Variants in LHFPL6 observed in about 807,000 individuals in gnomAD.
LHFPL6 encodes LHFPL tetraspan subfamily member 6 protein.
A neutral mutation model predicts 20.6 loss-of-function variants in LHFPL6; 9 were observed. That is an observed-to-expected ratio of 0.44 (90% CI 0.26 to 0.76). The LOEUF (loss-of-function observed/expected upper bound fraction) is 0.76. LHFPL6 is among the 30% of genes least tolerant of loss of function. The pLI is 0.20. For missense variants in LHFPL6, 218 were observed against 253.5 expected, an observed-to-expected ratio of 0.86 and a Z score of 0.95; for synonymous variants, 105 against 98.7, an observed-to-expected ratio of 1.06 and a Z score of -0.38.
At chr13:39,549,255 T>C (rs1248073157) in intron 2 of LHFPL6, among the ~76,000 whole-genome samples, 2 of 152,242 alleles carry the variant, frequency 1.3e-5, no homozygotes, top group Non-Finnish European at 2.9e-5. Context: ...GAAAGGACAG[T>C]TTTTACAACA....
At chr13:39,473,389 T>C (rs1872999763) in intron 2 of LHFPL6, among the ~76,000 whole-genome samples, 1 of 150,718 alleles carries the variant, frequency 6.6e-6, no homozygotes, top group Non-Finnish European at 1.5e-5. Context: ...ACTAGTCCAA[T>C]ATGCCATGCT....
At chr13:39,561,817 T>G (rs954032439) in intron 2 of LHFPL6, among the ~76,000 whole-genome samples, 1 of 152,196 alleles carries the variant, frequency 6.6e-6, no homozygotes, top group African/African-American at 2.4e-5. Flanking sequence ...GAGTGACTAC[T>G]CTGTAAATGT....
rs546363922 is a variant in LHFPL6, at chr13:39,562,067, T to C, written c.385+38765A>G. Reference sequence around the variant, plus strand: ...CATGAGTTATAAATAAGAACAAATATTTATGCAATAACTCCTACAATATGC... The same window carrying C: ...CATGAGTTATAAATAAGAACAAATACTTATGCAATAACTCCTACAATATGC... On this transcript the variant is annotated intron_variant, in intron 2 of 3. Coordinates refer to ENST00000379589, the MANE Select transcript of LHFPL6 (RefSeq NM_005780.3). Among the ~76,000 whole-genome samples, 217 of 152,316 alleles carry C rather than the reference T, an allele frequency of 1.4e-3. 2 individuals carry two copies. Among genetic ancestry groups the C allele is most frequent in the Non-Finnish European group, 2.4e-3 (162 of 68,036 alleles).
chr13:39,417,165 C>G (rs1871370130), intron 2 of LHFPL6, among the ~76,000 whole-genome samples: 1 of 152,140 alleles, frequency 6.6e-6, no homozygotes, highest in Non-Finnish European at 1.5e-5. Flanking sequence ...ATCATCCTGC[C>G]TTATTCATAT....
At chr13:39,431,325 C>CA (rs1871793818) in intron 2 of LHFPL6, among the ~76,000 whole-genome samples, 2 of 152,154 alleles carry the variant, frequency 1.3e-5, no homozygotes, top group African/African-American at 4.8e-5. Context: ...CACATCTGAA[C>CA]ATCTGAAGGA....
At chr13:39,426,325 A>G (rs1284090888) in intron 2 of LHFPL6, among the ~76,000 whole-genome samples, 1 of 151,126 alleles carries the variant, frequency 6.6e-6, no homozygotes, top group Non-Finnish European at 1.5e-5. Flanking sequence ...GGTTCAAGCG[A>G]TTCTCCTGCC....
chr13:39,524,102 A>C (rs1157317894), intron 2 of LHFPL6, among the ~76,000 whole-genome samples: 1 of 152,216 alleles, frequency 6.6e-6, no homozygotes, highest in Non-Finnish European at 1.5e-5. Context: ...GATGATAAAG[A>C]TTATGAAATA....
intron 2 of LHFPL6, among the ~76,000 whole-genome samples, chr13:39,492,834 C>T (rs1868972489): frequency 1.3e-5 from 2 of 151,968 alleles, no homozygotes; most frequent in South Asian, 2.1e-4. Context: ...GCATGCACCA[C>T]CACGTCCAGC....
chr13:39,558,565 T>C (rs888051174), intron 2 of LHFPL6, among the ~76,000 whole-genome samples: 2 of 152,214 alleles, frequency 1.3e-5, no homozygotes, highest in African/African-American at 4.8e-5. Context: ...ACTTACTTCC[T>C]CTGCTTACCA....
chr13:39,358,174 C>T (rs1237417437), intron 3 of LHFPL6, among the ~76,000 whole-genome samples: 1 of 152,158 alleles, frequency 6.6e-6, no homozygotes, highest in Non-Finnish European at 1.5e-5. Flanking sequence ...ACCAAAACAG[C>T]ATGGTACTGG....
chr13:39,526,487 A>G (rs888364297), intron 2 of LHFPL6, among the ~76,000 whole-genome samples: 1 of 152,040 alleles, frequency 6.6e-6, no homozygotes, highest in African/African-American at 2.4e-5. Context: ...TTGCAATTGC[A>G]ACCAATAACA....
intron 3 of LHFPL6, among the ~76,000 whole-genome samples, chr13:39,346,800 G>A (rs776120923): frequency 2.6e-5 from 4 of 152,128 alleles, no homozygotes; most frequent in Non-Finnish European, 4.4e-5. Context: ...CAAGGTGGCT[G>A]GATCACTTGA....
chr13:39,489,879 A>G (rs1328802321), intron 2 of LHFPL6, among the ~76,000 whole-genome samples: 2 of 152,098 alleles, frequency 1.3e-5, no homozygotes. Context: ...TGAATTTACT[A>G]TACAACTTTT....
chr13:39,357,457 T>A (rs1415554255), intron 3 of LHFPL6, among the ~76,000 whole-genome samples: 1 of 152,144 alleles, frequency 6.6e-6, no homozygotes, highest in Non-Finnish European at 1.5e-5. Context: ...ACGCCAACTT[T>A]CACCACTCCT....
chr13:39,400,012 G>A (rs985619507), intron 2 of LHFPL6, among the ~76,000 whole-genome samples: 2 of 152,156 alleles, frequency 1.3e-5, no homozygotes, highest in Admixed American at 6.5e-5. Flanking sequence ...AGAATTGCTC[G>A]AACCCAGGAG....
At chr13:39,350,597 G>A (rs1219566028) in intron 3 of LHFPL6, among the ~76,000 whole-genome samples, 1 of 152,148 alleles carries the variant, frequency 6.6e-6, no homozygotes, top group Non-Finnish European at 1.5e-5. Flanking sequence ...TTTTCCAGAG[G>A]GCAAGTTTTG....
At position 39,388,366 on chromosome 13, in the gene LHFPL6, G is replaced by A. The variant is rs182103351; in HGVS notation, c.386-9840C>T. 3.9e-5 allele frequency among the ~76,000 whole-genome samples: 6 copies of A among 152,262 alleles called. No individual in the cohort carries two copies. In the East Asian group the frequency reaches 1.2e-3, roughly 29 times the overall value. ...ATTCACAAGCTAACTTCAGTCATGAGTGACTTGTCACTTTTTATCTTCCTG... is the reference window on the plus strand; with the variant it reads ...ATTCACAAGCTAACTTCAGTCATGAATGACTTGTCACTTTTTATCTTCCTG... On this transcript the variant is annotated intron_variant, in intron 2 of 3. Transcript: ENST00000379589.
At chr13:39,433,588 C>T (rs1293712665) in intron 2 of LHFPL6, among the ~76,000 whole-genome samples, 1 of 151,952 alleles carries the variant, frequency 6.6e-6, no homozygotes, top group Non-Finnish European at 1.5e-5. Flanking sequence ...TACAGAAGAC[C>T]CCAGAGAAAG....
At chr13:39,360,169 C>T (rs1162964648) in intron 3 of LHFPL6, among the ~76,000 whole-genome samples, 1 of 96,304 alleles carries the variant, frequency 1.0e-5, no homozygotes, top group Non-Finnish European at 2.4e-5. Flanking sequence ...TACAGGAGTC[C>T]GCCACCACGC....
Sources: allele counts gnomAD v4.1 joint callset (sites outside exome capture counted in the v4.1 genomes callset), GRCh38; gene constraint gnomAD v4.1.1; transcripts MANE v1.5; gene names NCBI Gene and HGNC (gene_info 2026-07-23, HGNC 2026-07-21).